Variants in SRPK2 observed in about 807,000 individuals in gnomAD.
The protein encoded by SRPK2 is SRSF protein kinase 2.
SRPK2 carries 21 observed loss-of-function variants against 90.8 expected under a neutral mutation model. The observed-to-expected ratio is 0.23, with a 90% CI of 0.16 to 0.33. The LOEUF (loss-of-function observed/expected upper bound fraction) is 0.33. SRPK2 is among the 10% of genes least tolerant of loss of function. The pLI, the probability that SRPK2 is intolerant of heterozygous loss-of-function variation, is 1.00. For missense variants in SRPK2, 620 were observed against 869.0 expected (o/e 0.71, Z 3.60); for synonymous variants, 288 against 311.1 (o/e 0.93, Z 0.78).
chr7:105,348,873 G>A (rs909526707), intron 2 of SRPK2, among the ~76,000 whole-genome samples: 5 of 151,986 alleles, frequency 3.3e-5, no homozygotes, highest in Admixed American at 2.0e-4. Context: ...GCAGCCGGGC[G>A]CAGTGGCTCA....
intron 2 of SRPK2, among the ~76,000 whole-genome samples, chr7:105,317,487 C>T (rs1388099448): frequency 6.6e-6 from 1 of 152,144 alleles, no homozygotes; most frequent in Non-Finnish European, 1.5e-5. Context: ...TCCAGCAAGG[C>T]TTATTAACAG....
chr7:105,324,036 G>T (rs900811333), intron 2 of SRPK2, among the ~76,000 whole-genome samples: 2 of 146,792 alleles, frequency 1.4e-5, no homozygotes, highest in African/African-American at 5.0e-5. Context: ...TCACATTGTC[G>T]CCCGGGCTGG....
At chr7:105,384,978 G>T (rs1355609713) in intron 2 of SRPK2, among the ~76,000 whole-genome samples, 1 of 150,504 alleles carries the variant, frequency 6.6e-6, no homozygotes, top group African/African-American at 2.4e-5. Context: ...CCGGGTTCAC[G>T]CCATTCTCCT....
chr7:105,279,154 G>A (rs923463393), intron 2 of SRPK2, among the ~76,000 whole-genome samples: 1 of 149,956 alleles, frequency 6.7e-6, no homozygotes, highest in African/African-American at 2.4e-5. Flanking sequence ...AGTGCCCACA[G>A]ACTATGTCAT....
chr7:105,388,865 A>G lies in SRPK2; in HGVS notation c.-59T>C, dbSNP rs1821987939. On this transcript the variant is annotated 5_prime_UTR_variant, in exon 1 of 16. Coordinates refer to ENST00000393651, the MANE Select transcript of SRPK2 (RefSeq NM_182692.3). ...CGACGGCGACGCGGGCGCCGAGACG[A>G]GCTGGGCTGCAGCCTCCACTCGCTC... 1 of 1,305,678 alleles carries G rather than the reference A, an allele frequency of 7.7e-7. No homozygotes were observed. 80.9% of individuals were successfully genotyped at this position (1,305,678 alleles called of 1,614,324 possible).
At chr7:105,382,681 T>G (rs555230204) in intron 2 of SRPK2, among the ~76,000 whole-genome samples, 1 of 151,780 alleles carries the variant, frequency 6.6e-6, no homozygotes, top group East Asian at 1.9e-4. Flanking sequence ...TATAATTCCA[T>G]TTATATAACA....
At chr7:105,380,456 A>C (rs573329316) in intron 2 of SRPK2, among the ~76,000 whole-genome samples, 1 of 152,260 alleles carries the variant, frequency 6.6e-6, no homozygotes, top group African/African-American at 2.4e-5. Context: ...AAAATGAACA[A>C]AACCATGCAC....
At chr7:105,255,597 A>G (rs190937818) in intron 2 of SRPK2, among the ~76,000 whole-genome samples, 1 of 152,326 alleles carries the variant, frequency 6.6e-6, no homozygotes, top group Non-Finnish European at 1.5e-5. Flanking sequence ...TAGTGGGTAC[A>G]TAAATATTTA....
intron 2 of SRPK2, among the ~76,000 whole-genome samples, chr7:105,369,411 G>T (rs548564399): frequency 6.6e-6 from 1 of 151,978 alleles, no homozygotes. Context: ...GCCTCTCAAA[G>T]TGTTGAGAAT....
intron 12 of SRPK2, 35 bp from the exon 13 acceptor site, chr7:105,132,933 C>A: frequency 6.2e-7 from 1 of 1,612,802 alleles, no homozygotes; most frequent in Non-Finnish European, 8.5e-7. Context: ...CACGGAGCAA[C>A]ACAGACATTC....
intron 2 of SRPK2, among the ~76,000 whole-genome samples, chr7:105,360,382 T>A (rs1818291768): frequency 6.6e-6 from 1 of 152,218 alleles, no homozygotes; most frequent in Non-Finnish European, 1.5e-5. Flanking sequence ...CCATTTACAT[T>A]TAAGGTTAAT....
chr7:105,218,052 G>C (rs1287513804), intron 2 of SRPK2, among the ~76,000 whole-genome samples: 1 of 152,166 alleles, frequency 6.6e-6, no homozygotes, highest in African/African-American at 2.4e-5. Flanking sequence ...GATCTAGCTA[G>C]GAAAGGGCGT....
chr7:105,240,599 A>C (rs1800683130), intron 2 of SRPK2, among the ~76,000 whole-genome samples: 1 of 152,180 alleles, frequency 6.6e-6, no homozygotes, highest in African/African-American at 2.4e-5. Context: ...GAAAAGGAAA[A>C]AAAAAATGTT....
intron 2 of SRPK2, among the ~76,000 whole-genome samples, chr7:105,326,969 AG>A (rs1362190969): frequency 6.6e-6 from 1 of 151,744 alleles, no homozygotes; most frequent in African/African-American, 2.4e-5. Context: ...AGGCTGAGGC[AG>A]GAGAAGCACT....
chr7:105,166,344 AAG>A, intron 6 of SRPK2, among the ~76,000 whole-genome samples: 1 of 149,186 alleles, frequency 6.7e-6, no homozygotes, highest in African/African-American at 2.4e-5. Flanking sequence ...AATCTGTATT[AAG>A]AAGTCTCCAA....
At chr7:105,146,698 T>A in intron 7 of SRPK2, 40 bp from the exon 8 acceptor site, 1 of 1,574,068 alleles carries the variant, frequency 6.4e-7, no homozygotes, top group Non-Finnish European at 8.7e-7. Flanking sequence ...AAGCTATTAA[T>A]ATCTCATTAT....
chr7:105,360,251 CT>C (rs1395373918), intron 2 of SRPK2, among the ~76,000 whole-genome samples: 1 of 152,120 alleles, frequency 6.6e-6, no homozygotes, highest in Non-Finnish European at 1.5e-5. Flanking sequence ...TCCTCCATCC[CT>C]TTATTTTGAG....
chr7:105,177,339 T>G (rs1585065277), intron 3 of SRPK2, among the ~76,000 whole-genome samples: 2 of 152,238 alleles, frequency 1.3e-5, no homozygotes, highest in Middle Eastern at 3.4e-3. Context: ...TTTACTTCAA[T>G]GAAAGGATAT....
chr7:105,208,962 A>C (rs1462624767), intron 2 of SRPK2, among the ~76,000 whole-genome samples: 1 of 152,000 alleles, frequency 6.6e-6, no homozygotes, highest in African/African-American at 2.4e-5. Context: ...TCTCTACAAA[A>C]ACAACAATAA....
Sources: gnomAD v4.1 joint callset for allele counts (sites outside exome capture counted in the v4.1 genomes callset) on GRCh38, gnomAD v4.1.1 for gene constraint, MANE v1.5 for transcripts, NCBI Gene and HGNC (gene_info 2026-07-23, HGNC 2026-07-21) for gene names.